The following AACS variants were observed in gnomAD, a reference collection of about 807,000 sequenced individuals.
The protein encoded by AACS is acetoacetyl-CoA synthetase.
Under a neutral mutation model 83.1 loss-of-function variants are expected in AACS, and 69 were observed. The ratio of observed to expected loss-of-function variants is 0.83; its 90% CI spans 0.68 to 1.01. The LOEUF is 1.01. AACS is among the 50% of genes least tolerant of loss of function. The pLI, the probability that AACS is intolerant of heterozygous loss-of-function variation, is 0.00. For synonymous variants in AACS, 333 were observed against 343.4 expected (o/e 0.97, Z 0.33); for missense variants, 866 against 882.2 (o/e 0.98, Z 0.23).
intron 1 of AACS, among the ~76,000 whole-genome samples, chr12:125,071,800 G>A (rs961499490): frequency 2.6e-5 from 4 of 152,318 alleles, no homozygotes; most frequent in African/African-American, 9.6e-5. Flanking sequence ...GATTCATGGG[G>A]CTGGCCGCGT....
At chr12:125,109,935 G>A (rs538199363) in intron 8 of AACS, among the ~76,000 whole-genome samples, 3 of 152,076 alleles carry the variant, frequency 2.0e-5, no homozygotes, top group South Asian at 2.1e-4. Context: ...TGCATCTATC[G>A]GGGGGATACA....
chr12:125,124,575 G>A, intron 10 of AACS, 130 bp from the exon 11 acceptor site: 1 of 987,648 alleles, frequency 1.0e-6, no homozygotes, highest in South Asian at 1.6e-5. Flanking sequence ...CATGAAGTAT[G>A]AGTTCAACCC....
At chr12:125,066,141 G>A (rs1196573730) in intron 1 of AACS, among the ~76,000 whole-genome samples, 1 of 152,140 alleles carries the variant, frequency 6.6e-6, no homozygotes, top group Non-Finnish European at 1.5e-5. Flanking sequence ...AGTCCCCAGT[G>A]CCGTGCACTC....
intron 1 of AACS, among the ~76,000 whole-genome samples, chr12:125,066,739 G>A (rs1414681390): frequency 6.6e-6 from 1 of 152,000 alleles, no homozygotes; most frequent in African/African-American, 2.4e-5. Context: ...GTGAGCCACG[G>A]CGCCTGGCCT....
At chr12:125,123,798 G>A (rs1040521941) in intron 10 of AACS, 2 of 152,258 alleles carry the variant, frequency 1.3e-5, no homozygotes, top group African/African-American at 4.8e-5. Flanking sequence ...GGCCGACTGA[G>A]TTTACATGTG....
chr12:125,077,496 T>G (rs956842622), intron 3 of AACS, among the ~76,000 whole-genome samples: 17 of 142,326 alleles, frequency 1.2e-4, no homozygotes, highest in African/African-American at 4.2e-4. Context: ...GGCGACAGAG[T>G]GAGACTCTGT....
chr12:125,142,041 T>A (rs575003255), intron 17 of AACS, 51 bp from the exon 18 acceptor site: 11 of 1,608,510 alleles, frequency 6.8e-6, no homozygotes, highest in South Asian at 3.3e-5. Flanking sequence ...GGCTGCGGAT[T>A]TTCCCCCCTT....
rs1460249330 is a variant in AACS, at chr12:125,130,518, C to T, written c.1549+1058C>T. Among the ~76,000 whole-genome samples the T allele has an allele frequency of 6.6e-6, 1 of 152,246 alleles. No individual in the cohort carries two copies. Among genetic ancestry groups the T allele is most frequent in the Non-Finnish European group, 1.5e-5 (1 of 68,040 alleles). The stretch of plus-strand genomic sequence containing the variant: ...AGGATTAGAATCTCAGCTTGAGGAT[C>T]CATCCAAGAAATGATGGCCCTTCAT... On this transcript the variant is annotated intron_variant, in intron 14 of 17. Transcript: ENST00000316519. The surrounding 1 kb of genome is among the most constrained non-coding windows in gnomAD (Gnocchi z 4.9).
chr12:125,068,880 C>T (rs1259198945), intron 1 of AACS, among the ~76,000 whole-genome samples: 8 of 151,490 alleles, frequency 5.3e-5, no homozygotes, highest in African/African-American at 1.7e-4. Context: ...CGCTCTGTCA[C>T]CCAGGCTGGA....
chr12:125,099,632 C>T (rs1024688616), intron 5 of AACS, among the ~76,000 whole-genome samples: 2 of 152,152 alleles, frequency 1.3e-5, no homozygotes, highest in African/African-American at 4.8e-5. Flanking sequence ...AGGGCAGCAC[C>T]TGACACAGAG....
chr12:125,119,808 A>G (rs1957122972), intron 10 of AACS: 1 of 152,136 alleles, frequency 6.6e-6, no homozygotes, highest in African/African-American at 2.4e-5. Context: ...AGGTATGTGG[A>G]TAAGTTCATG....
At chr12:125,066,784 C>T (rs1218167049) in intron 1 of AACS, among the ~76,000 whole-genome samples, 1 of 152,148 alleles carries the variant, frequency 6.6e-6, no homozygotes, top group Non-Finnish European at 1.5e-5. Context: ...CTCCCCTCCT[C>T]ACCCCCTCCG....
intron 1 of AACS, among the ~76,000 whole-genome samples, chr12:125,071,887 C>T (rs541179678): frequency 5.3e-5 from 8 of 152,138 alleles, no homozygotes; most frequent in African/African-American, 1.2e-4. Context: ...GACAGAGTTT[C>T]GCTCTTGTTG....
chr12:125,123,042 C>T (rs1957181625), intron 10 of AACS: 1 of 152,284 alleles, frequency 6.6e-6, no homozygotes, highest in Admixed American at 6.5e-5. Context: ...GACTGTGACT[C>T]ACAGGCCGGA....
At position 125,070,353 on chromosome 12, in the gene AACS, C is replaced by T. The variant is rs75265806; in HGVS notation, c.134-3523C>T. On this transcript the variant is annotated intron_variant, in intron 1 of 17. Coordinates refer to ENST00000316519, the MANE Select transcript of AACS (RefSeq NM_023928.5). ...AGTGCGCTGGGTTTAGCAGAGAATG[C>T]GGTTTAGAAGGGCGGATAGCCTGTA... Among the ~76,000 whole-genome samples the T allele has an allele frequency of 2.2e-3, 341 of 152,114 alleles. 2 individuals are homozygous for T. The highest frequency in any genetic ancestry group is 9.9e-3 in the East Asian group (51 of 5,160).
At chr12:125,120,666 G>A (rs958630457) in intron 10 of AACS, 3 of 152,174 alleles carry the variant, frequency 2.0e-5, no homozygotes, top group Non-Finnish European at 2.9e-5. Flanking sequence ...GAGGAGGGGT[G>A]GAGAGGGAAA....
Position 125,118,620 on chromosome 12 carries a change from G to T in AACS, c.997-21G>T, listed in dbSNP as rs185446979. 1.9e-4 allele frequency: 310 copies of T among 1,613,094 alleles called. 1 individual carries two copies. The African/African-American group carries it at 3.6e-3, about 19-fold the overall frequency. ...GAGCTGCCTAGCGCCCGCTGAAGCCGCATCCCTCCTGTCTTTGCAGGTCGG... is the reference window on the plus strand; with the variant it reads ...GAGCTGCCTAGCGCCCGCTGAAGCCTCATCCCTCCTGTCTTTGCAGGTCGG... On this transcript the variant is annotated intron_variant, in intron 9 of 17. Transcript: ENST00000316519.
chr12:125,114,705 A>G (rs1290316173), intron 9 of AACS, 148 bp downstream of exon 9: 2 of 371,444 alleles, frequency 5.4e-6, no homozygotes, highest in African/African-American at 4.4e-5. Context: ...GTGCTATACC[A>G]CAATAGGGGC....
chr12:125,124,840 C>T (rs886642589), intron 11 of AACS, 62 bp from the exon 12 acceptor site: 10 of 1,613,902 alleles, frequency 6.2e-6, no homozygotes, highest in African/African-American at 2.7e-5. Context: ...CTATTTCCTG[C>T]TTGCGAGTGA....
Sources: allele counts gnomAD v4.1 joint callset (sites outside exome capture counted in the v4.1 genomes callset), GRCh38; gene constraint gnomAD v4.1.1; non-coding constraint Gnocchi (gnomAD v3.1); transcripts MANE v1.5; gene names NCBI Gene and HGNC (gene_info 2026-07-23, HGNC 2026-07-21).